Variants in CPLX1 observed in about 807,000 individuals in gnomAD.
CPLX1 encodes complexin-1.
Under a neutral mutation model 15.6 loss-of-function variants are expected in CPLX1, and 6 were observed. The observed-to-expected ratio is 0.39, with a 90% CI of 0.21 to 0.76. The LOEUF is 0.76. CPLX1 is among the 30% of genes least tolerant of loss of function. The probability of loss-of-function intolerance (pLI) is 0.43; values close to 1 mark genes in which losing one functional copy is unlikely to be tolerated. For synonymous variants in CPLX1, 91 were observed against 75.2 expected (o/e 1.21, Z -1.08); for missense variants, 242 against 188.6 (o/e 1.28, Z -1.66).
intron 2 of CPLX1, among the ~76,000 whole-genome samples, chr4:823,522 C>T (rs1297110459): frequency 5.9e-5 from 9 of 152,226 alleles, no homozygotes; most frequent in Admixed American, 5.9e-4. Context: ...AGGGTGCTCC[C>T]CCGTGGAGGC....
At chr4:810,102 T>G (rs1576994823) in intron 2 of CPLX1, among the ~76,000 whole-genome samples, 1 of 145,058 alleles carries the variant, frequency 6.9e-6, no homozygotes, top group South Asian at 2.2e-4. Context: ...CAGGCTGGAG[T>G]GCAGTGGCAT....
At chr4:825,829 G>T (rs1346307020) in intron 1 of CPLX1, among the ~76,000 whole-genome samples, 2 of 145,234 alleles carry the variant, frequency 1.4e-5, no homozygotes, top group African/African-American at 2.5e-5. Context: ...GAGCCGGGGG[G>T]AGAAGCCGGA....
rs568292499 is a variant in CPLX1, at chr4:815,814, C to G, written c.31+8678G>C. Among the ~76,000 whole-genome samples the G allele has an allele frequency of 1.7e-4, 26 of 152,318 alleles. No homozygotes were observed. In the South Asian group the frequency reaches 5.2e-3, roughly 30 times the overall value. Reference sequence around the variant, plus strand: ...TGCAAACCTGGCTTCTGCCCAGGCTCTTGTTACAACGGGTGGGGAAGTTGC... The same window carrying G: ...TGCAAACCTGGCTTCTGCCCAGGCTGTTGTTACAACGGGTGGGGAAGTTGC... On this transcript the variant is annotated intron_variant, in intron 2 of 3. Transcript: ENST00000304062.
intron 2 of CPLX1, among the ~76,000 whole-genome samples, chr4:802,807 T>G (rs1437239403): frequency 1.3e-5 from 2 of 152,024 alleles, no homozygotes; most frequent in Non-Finnish European, 2.9e-5. Flanking sequence ...AAAAATTAGC[T>G]GGGCTTGATG....
intron 2 of CPLX1, among the ~76,000 whole-genome samples, chr4:794,908 C>T (rs184738429): frequency 4.4e-4 from 67 of 152,322 alleles, no homozygotes; most frequent in African/African-American, 1.6e-3. Flanking sequence ...TTATAGAGCA[C>T]CAGGTGTGCT....
chr4:790,855 G>A (rs968893614), intron 3 of CPLX1, among the ~76,000 whole-genome samples: 2 of 151,750 alleles, frequency 1.3e-5, no homozygotes, highest in Non-Finnish European at 2.9e-5. Flanking sequence ...CCTGTGTCTC[G>A]GCCTTGATTG....
At chr4:802,183 T>G (rs1484249599) in intron 2 of CPLX1, among the ~76,000 whole-genome samples, 4 of 152,238 alleles carry the variant, frequency 2.6e-5, no homozygotes, top group Non-Finnish European at 5.9e-5. Context: ...ATAGACAAAC[T>G]GTGGTATGTC....
Position 824,561 on chromosome 4 carries a change from C to G in CPLX1, c.-39G>C. 1 of 1,609,626 alleles carries G rather than the reference C, an allele frequency of 6.2e-7. No individual in the cohort carries two copies. The highest frequency in any genetic ancestry group is 1.1e-5 in the South Asian group (1 of 91,028). On this transcript the variant is annotated 5_prime_UTR_variant, in exon 2 of 4. Transcript: ENST00000304062. ...CTTCCACAGTGGCTCCTCCAGGGGT[C>G]AGAACTCACACGCAAGTATGGCCGG... is the stretch of plus-strand genomic sequence containing the variant.
intron 3 of CPLX1, 187 bp from the exon 4 acceptor site, chr4:786,885 C>T: frequency 6.1e-6 from 6 of 983,226 alleles, no homozygotes; most frequent in South Asian, 4.7e-5. Context: ...GAATGGGAAG[C>T]CCCCACGGAG....
rs867961749 is a variant in CPLX1 at position 786,002 on chromosome 4, G to C, written c.*499C>G. On this transcript the variant is annotated 3_prime_UTR_variant, in exon 4 of 4. Coordinates refer to ENST00000304062, the MANE Select transcript of CPLX1 (RefSeq NM_006651.4). ...GGGCGCGAGGGGGCCAGGCCGGGGG[G>C]CGGAGAGCGGCCGCGTGCGGACGCA... 1 of 143,340 alleles carries C rather than the reference G, an allele frequency of 7.0e-6. No homozygotes were observed. Among genetic ancestry groups the C allele is most frequent in the African/African-American group, 2.4e-5 (1 of 41,046 alleles). 8.9% of individuals were successfully genotyped at this position (143,340 alleles called of 1,614,324 possible).
intron 2 of CPLX1, among the ~76,000 whole-genome samples, chr4:811,876 C>T (rs1042149434): frequency 3.3e-5 from 5 of 152,178 alleles, no homozygotes; most frequent in African/African-American, 1.2e-4. Flanking sequence ...TGTTGGAACT[C>T]AGCTGTCGGG....
intron 3 of CPLX1, among the ~76,000 whole-genome samples, chr4:789,111 C>T (rs1038117999): frequency 1.7e-4 from 26 of 152,322 alleles, no homozygotes; most frequent in Non-Finnish European, 3.4e-4. Context: ...GAGGTCACGC[C>T]GGACTTGGCC....
rs565793713 is a variant in CPLX1 at position 792,177 on chromosome 4, C to T, written c.207+256G>A. 2.0e-3 allele frequency among the ~76,000 whole-genome samples: 311 copies of T among 152,324 alleles called. 3 individuals carry two copies. Among genetic ancestry groups the T allele is most frequent in the Non-Finnish European group, 1.9e-4 (13 of 68,022 alleles). ...GCCAGCCAGGCTCCACGCAGGGCTG[C>T]GCATCGGAATGCGGGCCTAGGAAGC... On this transcript the variant is annotated intron_variant, in intron 3 of 3. Coordinates refer to ENST00000304062, the MANE Select transcript of CPLX1 (RefSeq NM_006651.4).
At position 793,673 on chromosome 4, in the gene CPLX1, G is replaced by C. The variant is rs553259866; in HGVS notation, c.32-1065C>G. Among the ~76,000 whole-genome samples, 219 of 152,268 alleles carry C rather than the reference G, an allele frequency of 1.4e-3. 2 individuals carry two copies. Among genetic ancestry groups the C allele is most frequent in the African/African-American group, 5.1e-3 (212 of 41,552 alleles). On this transcript the variant is annotated intron_variant, in intron 2 of 3. Transcript: ENST00000304062. ...GCAGGGGTGCTCCTGGACCAGCCTC[G>C]TGTGTGTGAGGGGACTCTGGCCACA...
chr4:814,288 C>T (rs1032223280), intron 2 of CPLX1, among the ~76,000 whole-genome samples: 2 of 152,148 alleles, frequency 1.3e-5, no homozygotes, highest in South Asian at 2.1e-4. Context: ...TCTCAGCTCA[C>T]TGCAACCTCT....
At chr4:788,219 A>T in intron 3 of CPLX1, 1 of 985,100 alleles carries the variant, frequency 1.0e-6, no homozygotes, top group Non-Finnish European at 1.2e-6. Flanking sequence ...CACCCCCTGG[A>T]TCTCCAAGGA....
chr4:802,676 G>A lies in CPLX1; in HGVS notation c.32-10068C>T, dbSNP rs531327073. Reference sequence around the variant, plus strand: ...TAAAAATTCCAGAAAGCAGCTGGGCGTGGTGGCTCACACCTGTAATCCCAG... The same window carrying A: ...TAAAAATTCCAGAAAGCAGCTGGGCATGGTGGCTCACACCTGTAATCCCAG... On this transcript the variant is annotated intron_variant, in intron 2 of 3. Transcript: ENST00000304062. 7.2e-5 allele frequency among the ~76,000 whole-genome samples: 11 copies of A among 152,280 alleles called. No individual in the cohort carries two copies. The South Asian group carries it at 1.2e-3, about 17-fold the overall frequency.
At chr4:795,239 T>C (rs1746297088) in intron 2 of CPLX1, among the ~76,000 whole-genome samples, 1 of 152,248 alleles carries the variant, frequency 6.6e-6, no homozygotes, top group Non-Finnish European at 1.5e-5. Flanking sequence ...AGCTTGTTCC[T>C]GGCACAGAAA....
chr4:805,010 CCACG>C, intron 2 of CPLX1: 1 of 865,638 alleles, frequency 1.2e-6, no homozygotes, highest in Non-Finnish European at 1.4e-6. Context: ...AGAAACGTGC[CCACG>C]CACGCTCGCG....
Sources: gnomAD v4.1 joint callset for allele counts (sites outside exome capture counted in the v4.1 genomes callset) on GRCh38, gnomAD v4.1.1 for gene constraint, MANE v1.5 for transcripts, NCBI Gene and HGNC (gene_info 2026-07-23, HGNC 2026-07-21) for gene names.